Variants in BCAR3 observed in about 807,000 individuals in gnomAD.
BCAR3 encodes the protein breast cancer anti-estrogen resistance protein 3.
BCAR3 carries 37 observed loss-of-function variants against 80.1 expected under a neutral mutation model. That is an observed-to-expected ratio of 0.46 (90% confidence interval 0.36 to 0.61). The LOEUF (loss-of-function observed/expected upper bound fraction) is 0.61, where lower values mean the gene tolerates loss of function less well. BCAR3 is among the 20% of genes least tolerant of loss of function. The probability of loss-of-function intolerance (pLI) is 0.00; values close to 1 mark genes in which losing one functional copy is unlikely to be tolerated. For missense variants in BCAR3, 978 were observed against 1,068.2 expected (o/e 0.92, Z 1.18); for synonymous variants, 389 against 418.9 (o/e 0.93, Z 0.87).
intron 2 of BCAR3, among the ~76,000 whole-genome samples, chr1:93,790,360 T>C (rs1342656295): frequency 6.6e-6 from 1 of 152,194 alleles, no homozygotes; most frequent in East Asian, 1.9e-4. Context: ...TGAGTTGATT[T>C]ATCCAGAACT....
intron 9 of BCAR3, among the ~76,000 whole-genome samples, chr1:93,569,440 T>C (rs1177817158): frequency 6.6e-6 from 1 of 152,214 alleles, no homozygotes; most frequent in Non-Finnish European, 1.5e-5. Flanking sequence ...CTGCCCACCA[T>C]GCTGCCCTTC....
intron 3 of BCAR3, among the ~76,000 whole-genome samples, chr1:93,617,910 C>T (rs1170756333): frequency 2.0e-5 from 3 of 152,216 alleles, no homozygotes; most frequent in Admixed American, 1.3e-4. Flanking sequence ...CAAGTTGATC[C>T]GCAGCCTTGC....
At chr1:93,822,114 G>T (rs1024577525) in intron 2 of BCAR3, among the ~76,000 whole-genome samples, 2 of 152,112 alleles carry the variant, frequency 1.3e-5, no homozygotes, top group African/African-American at 4.8e-5. Context: ...TGTGGGCAAA[G>T]GCATTGAGGC....
At chr1:93,673,350 C>T (rs1161819809) in intron 2 of BCAR3, among the ~76,000 whole-genome samples, 1 of 152,214 alleles carries the variant, frequency 6.6e-6, no homozygotes, top group African/African-American at 2.4e-5. Flanking sequence ...AATTTGGCTG[C>T]TAGAATGTTT....
chr1:93,830,205 G>A (rs1654509914), intron 2 of BCAR3, among the ~76,000 whole-genome samples: 1 of 152,132 alleles, frequency 6.6e-6, no homozygotes, highest in African/African-American at 2.4e-5. Context: ...GCTCATGCCT[G>A]TAAACCCAGA....
chr1:93,613,169 C>A (rs920552418), intron 3 of BCAR3, among the ~76,000 whole-genome samples: 1 of 152,166 alleles, frequency 6.6e-6, no homozygotes, highest in Non-Finnish European at 1.5e-5. Flanking sequence ...AGACAAACCC[C>A]AAGATCCACG....
At chr1:93,689,753 G>C (rs890643430) in intron 3 of BCAR3, among the ~76,000 whole-genome samples, 1 of 152,188 alleles carries the variant, frequency 6.6e-6, no homozygotes, top group African/African-American at 2.4e-5. Context: ...CCTGGGGTTG[G>C]GGGTGGGTGG....
chr1:93,651,288 A>G (rs1676319475), intron 2 of BCAR3, among the ~76,000 whole-genome samples: 1 of 152,162 alleles, frequency 6.6e-6, no homozygotes, highest in Non-Finnish European at 1.5e-5. Context: ...CACCTCACTT[A>G]AGGAAGTACT....
intron 2 of BCAR3, among the ~76,000 whole-genome samples, chr1:93,812,228 C>T (rs768262046): frequency 3.3e-5 from 5 of 152,106 alleles, no homozygotes; most frequent in African/African-American, 4.8e-5. Context: ...AGCTAGAATG[C>T]TTAAACTCCC....
chr1:93,659,677 T>C (rs1356455520), intron 2 of BCAR3, among the ~76,000 whole-genome samples: 1 of 152,174 alleles, frequency 6.6e-6, no homozygotes, highest in African/African-American at 2.4e-5. Context: ...ATCACGGTTC[T>C]AAGGTCTTGC....
intron 2 of BCAR3, among the ~76,000 whole-genome samples, chr1:93,769,097 A>C (rs1387899441): frequency 6.6e-6 from 1 of 152,072 alleles, no homozygotes; most frequent in African/African-American, 2.4e-5. Context: ...TAATTTCCCA[A>C]CCCTGGGGGA....
At chr1:93,690,676 TC>T (rs1304167739) in intron 3 of BCAR3, among the ~76,000 whole-genome samples, 1 of 152,246 alleles carries the variant, frequency 6.6e-6, no homozygotes, top group Admixed American at 6.5e-5. Context: ...CTGTCTGAAT[TC>T]TAGATCAGTT....
At chr1:93,647,310 T>C (rs1676173875) in intron 2 of BCAR3, among the ~76,000 whole-genome samples, 1 of 152,212 alleles carries the variant, frequency 6.6e-6, no homozygotes, top group Non-Finnish European at 1.5e-5. Context: ...TCAAATTTGC[T>C]GTCTTAGAGA....
intron 2 of BCAR3, chr1:93,646,385 C>T (rs1166557869): frequency 6.6e-6 from 1 of 151,896 alleles, no homozygotes; most frequent in East Asian, 1.9e-4. Context: ...TGTGGATCAC[C>T]TGAGGTCGGG....
chr1:93,702,046 C>T (rs1413157464), intron 3 of BCAR3, among the ~76,000 whole-genome samples: 1 of 152,046 alleles, frequency 6.6e-6, no homozygotes, highest in Non-Finnish European at 1.5e-5. Context: ...GCTTTCTCCA[C>T]AAAAGAAACC....
chr1:93,645,122 G>A (rs562480898), intron 2 of BCAR3, among the ~76,000 whole-genome samples: 4 of 152,142 alleles, frequency 2.6e-5, no homozygotes, highest in South Asian at 2.1e-4. Flanking sequence ...TGGGGGCCTC[G>A]TGGGAGTGTC....
chr1:93,749,575 C>T (rs573472933), intron 2 of BCAR3, among the ~76,000 whole-genome samples: 7 of 140,632 alleles, frequency 5.0e-5, no homozygotes, highest in East Asian at 2.0e-4. Flanking sequence ...GGTGACAGAG[C>T]GAGACTCCGT....
intron 2 of BCAR3, among the ~76,000 whole-genome samples, chr1:93,648,266 T>A (rs1676208584): frequency 6.6e-6 from 1 of 151,956 alleles, no homozygotes; most frequent in African/African-American, 2.4e-5. Context: ...GCTTATGAGG[T>A]GAGGGTTGTA....
intron 2 of BCAR3, among the ~76,000 whole-genome samples, chr1:93,841,127 G>C (rs188859371): frequency 7.2e-5 from 11 of 152,360 alleles, no homozygotes; most frequent in African/African-American, 2.6e-4. Flanking sequence ...AATTCTCGGA[G>C]GAGGTGACAT....
Sources: allele counts gnomAD v4.1 joint callset (sites outside exome capture counted in the v4.1 genomes callset), GRCh38; gene constraint gnomAD v4.1.1; transcripts MANE v1.5; gene names NCBI Gene and HGNC (gene_info 2026-07-23, HGNC 2026-07-21).